GABRA3: variants seen among roughly 807,000 people sequenced by gnomAD.
The protein encoded by GABRA3 is gamma-aminobutyric acid receptor subunit alpha-3.
GABRA3 carries 10 observed loss-of-function variants against 30.1 expected under a neutral mutation model. The observed-to-expected ratio is 0.33, with a 90% CI of 0.20 to 0.56. The LOEUF (loss-of-function observed/expected upper bound fraction) is 0.56. Ranked by LOEUF, GABRA3 falls within the 20% of genes least tolerant of loss-of-function variation. GABRA3 has a pLI of 0.89. For synonymous variants in GABRA3, 151 were observed against 146.8 expected, an observed-to-expected ratio of 1.03 and a Z score of -0.21; for missense variants, 233 against 392.0, an observed-to-expected ratio of 0.59 and a Z score of 3.42.
intron 9 of GABRA3, among the ~76,000 whole-genome samples, chrX:152,179,064 G>A (rs781303567): frequency 8.9e-6 from 1 of 111,935 alleles, no homozygotes; most frequent in Non-Finnish European, 1.9e-5. Flanking sequence ...ATAAATCCCT[G>A]TAGTAGCCAT....
intron 4 of GABRA3, among the ~76,000 whole-genome samples, chrX:152,269,273 C>T (rs1366869534): frequency 9.0e-6 from 1 of 111,674 alleles, no homozygotes; most frequent in African/African-American, 3.3e-5. Context: ...ACCTAAAAAT[C>T]AATCTAACTC....
chrX:152,444,905 C>CAA, intron 1 of GABRA3, among the ~76,000 whole-genome samples: 1 of 94,038 alleles, frequency 1.1e-5, no homozygotes, highest in Non-Finnish European at 2.1e-5. Context: ...ACTAAAAATA[C>CAA]AAAAAATTAG....
intron 4 of GABRA3, among the ~76,000 whole-genome samples, chrX:152,278,358 T>A (rs1049394929): frequency 9.5e-6 from 1 of 105,528 alleles, no homozygotes; most frequent in Non-Finnish European, 1.9e-5. Context: ...GAACATGTGG[T>A]GTTTGGTTTT....
chrX:152,257,277 T>C (rs186504739), intron 4 of GABRA3, among the ~76,000 whole-genome samples: 1 of 112,125 alleles, frequency 8.9e-6, no homozygotes, highest in East Asian at 2.8e-4. Flanking sequence ...TTCATGAGGA[T>C]GTCCTGGGAA....
At chrX:152,237,938 A>T (rs1603221510) in intron 5 of GABRA3, among the ~76,000 whole-genome samples, 1 of 111,019 alleles carries the variant, frequency 9.0e-6, no homozygotes, top group South Asian at 3.9e-4. Flanking sequence ...TCATCTGCAA[A>T]CAGGGACAAT....
At chrX:152,412,830 G>T (rs963897939) in intron 1 of GABRA3, among the ~76,000 whole-genome samples, 11 of 111,115 alleles carry the variant, frequency 9.9e-5, no homozygotes, top group Non-Finnish European at 2.1e-4. Context: ...TCACTGAAAC[G>T]TACACTTTAA....
chrX:152,278,657 T>C (rs1460895748), intron 4 of GABRA3, among the ~76,000 whole-genome samples: 1 of 111,576 alleles, frequency 9.0e-6, no homozygotes, highest in East Asian at 2.8e-4. Context: ...ATGGTATTTC[T>C]AGTTCTAGAT....
At chrX:152,298,308 T>C (rs1428074136) in intron 3 of GABRA3, among the ~76,000 whole-genome samples, 4 of 110,688 alleles carry the variant, frequency 3.6e-5, no homozygotes, top group Non-Finnish European at 7.6e-5. Flanking sequence ...ATGTGCCATG[T>C]TGGTGTGCGG....
chrX:152,349,117 T>C (rs59247520), intron 2 of GABRA3, among the ~76,000 whole-genome samples: 13,497 of 111,660 alleles, frequency 0.12, 676 homozygotes, highest in African/African-American at 0.17. Flanking sequence ...CAACTAAGTT[T>C]ATGTAATATT....
chrX:152,373,675 C>T (rs1928904029), intron 1 of GABRA3, among the ~76,000 whole-genome samples: 3 of 111,071 alleles, frequency 2.7e-5, no homozygotes, highest in South Asian at 7.7e-4. Context: ...ATGTGCACAA[C>T]GTGCAGGTTT....
chrX:152,370,353 T>C (rs990520992), intron 1 of GABRA3, among the ~76,000 whole-genome samples: 5 of 108,121 alleles, frequency 4.6e-5, no homozygotes, highest in South Asian at 8.2e-4. Context: ...ATTCCACATG[T>C]TGTTACCCAG....
intron 1 of GABRA3, among the ~76,000 whole-genome samples, chrX:152,375,215 G>A (rs1455094590): frequency 2.7e-5 from 3 of 111,743 alleles, no homozygotes; most frequent in Non-Finnish European, 5.6e-5. Context: ...CACACTCCCC[G>A]CTTCAAACTA....
chrX:152,341,391 C>T lies in GABRA3; in HGVS notation c.262+4190G>A, dbSNP rs150217424. ...TGACTTCTTTTCCTTTTACTAGATACCAAGTAGTGGGATTACTGGATCAAA... is the reference window on the plus strand; with the variant it reads ...TGACTTCTTTTCCTTTTACTAGATATCAAGTAGTGGGATTACTGGATCAAA... On this transcript the variant is annotated intron_variant, in intron 3 of 9. Transcript: ENST00000370314. Among the ~76,000 whole-genome samples, 929 of 110,628 alleles carry T rather than the reference C, an allele frequency of 8.4e-3. 3 individuals carry two copies. The highest frequency in any genetic ancestry group is 0.035 in the South Asian group (91 of 2,579).
intron 6 of GABRA3, among the ~76,000 whole-genome samples, chrX:152,223,033 C>A (rs1299933866): frequency 9.0e-6 from 1 of 111,315 alleles, no homozygotes; most frequent in Non-Finnish European, 1.9e-5. Flanking sequence ...CTTGTGTCAC[C>A]CTAGCCCTGT....
chrX:152,305,394 C>A (rs1343732219), intron 3 of GABRA3, among the ~76,000 whole-genome samples: 9 of 107,900 alleles, frequency 8.3e-5, no homozygotes, highest in Non-Finnish European at 1.7e-4. Flanking sequence ...AAGAAACCTG[C>A]AAATGTACCA....
chrX:152,379,573 AAAG>A (rs1300175500), intron 1 of GABRA3, among the ~76,000 whole-genome samples: 13 of 111,359 alleles, frequency 1.2e-4, no homozygotes, highest in South Asian at 7.5e-4. Context: ...GCCCCAAAAG[AAAG>A]AAGATGATAA....
chrX:152,263,008 C>T (rs1202774083), intron 4 of GABRA3, among the ~76,000 whole-genome samples: 1 of 111,471 alleles, frequency 9.0e-6, no homozygotes, highest in East Asian at 2.8e-4. Context: ...GCAAACACAT[C>T]CTTCTTCACA....
intron 3 of GABRA3, among the ~76,000 whole-genome samples, chrX:152,330,874 T>A (rs1220383333): frequency 1.8e-5 from 2 of 111,734 alleles, no homozygotes; most frequent in African/African-American, 6.5e-5. Context: ...GTTTCCTATG[T>A]ATTCATAATT....
chrX:152,286,209 CA>C (rs1160606720), intron 3 of GABRA3, among the ~76,000 whole-genome samples: 2 of 95,640 alleles, frequency 2.1e-5, no homozygotes, highest in Admixed American at 1.1e-4. Context: ...TCCAGAACAG[CA>C]GCTACCCAGA....
Sources: gnomAD v4.1 joint callset for allele counts (sites outside exome capture counted in the v4.1 genomes callset) on GRCh38, gnomAD v4.1.1 for gene constraint, MANE v1.5 for transcripts, NCBI Gene and HGNC (gene_info 2026-07-23, HGNC 2026-07-21) for gene names.